DNAJB14: variants seen among roughly 807,000 people sequenced by gnomAD.
The protein encoded by DNAJB14 is DnaJ heat shock protein family (Hsp40) member B14, also known as dnaJ homolog subfamily B member 14.
DNAJB14 carries 22 observed loss-of-function variants against 48.4 expected under a neutral mutation model. The observed-to-expected ratio is 0.45, with a 90% CI of 0.32 to 0.65. The LOEUF (loss-of-function observed/expected upper bound fraction) is 0.65, where lower values mean the gene tolerates loss of function less well. Ranked by LOEUF, DNAJB14 falls within the 30% of genes least tolerant of loss-of-function variation. DNAJB14 has a pLI of 0.03. For synonymous variants in DNAJB14, 142 were observed against 158.7 expected (o/e 0.89, Z 0.79); for missense variants, 319 against 458.8 (o/e 0.70, Z 2.78).
chr4:99,898,909 A>G lies in DNAJB14; in HGVS notation c.*2119T>C, dbSNP rs1220309574. On this transcript the variant is annotated 3_prime_UTR_variant, in exon 8 of 8. Coordinates refer to ENST00000442697, the MANE Select transcript of DNAJB14 (RefSeq NM_001031723.4). Reference sequence around the variant, plus strand: ...TTATACCATGATATAGATGACATTAAGGACTGAATCTTTACTTGCATACTT... The same window carrying G: ...TTATACCATGATATAGATGACATTAGGGACTGAATCTTTACTTGCATACTT... 2 of 151,948 alleles carry G rather than the reference A, an allele frequency of 1.3e-5. No homozygotes were observed. Among genetic ancestry groups the G allele is most frequent in the East Asian group, 3.8e-4 (2 of 5,204 alleles). 9.4% of individuals were successfully genotyped at this position (151,948 alleles called of 1,614,324 possible). A position where few individuals can be genotyped will look rare whatever the true frequency, so the allele number is the denominator to read the frequency against.
chr4:99,908,961 A>G, intron 3 of DNAJB14, 65 bp from the exon 4 acceptor site: 1 of 1,155,526 alleles, frequency 8.7e-7, no homozygotes, highest in East Asian at 2.6e-5. Context: ...TGCCCCACAT[A>G]AAAACTAACA....
chr4:99,933,653 T>C (rs1422995706), intron 1 of DNAJB14, among the ~76,000 whole-genome samples: 2 of 152,206 alleles, frequency 1.3e-5, no homozygotes, highest in African/African-American at 4.8e-5. Flanking sequence ...GAAACCAGCA[T>C]GGTCTAAGGG....
At chr4:99,930,995 C>T (rs1010225617) in intron 1 of DNAJB14, among the ~76,000 whole-genome samples, 5 of 152,098 alleles carry the variant, frequency 3.3e-5, no homozygotes, top group African/African-American at 1.2e-4. Context: ...TTCTCAATAG[C>T]AACAATGGGA....
At chr4:99,906,274 C>A in intron 5 of DNAJB14, 2 of 1,117,524 alleles carry the variant, frequency 1.8e-6, no homozygotes, top group South Asian at 1.6e-5. Flanking sequence ...ATGCATAGTG[C>A]AGGTGTACCT....
intron 1 of DNAJB14, among the ~76,000 whole-genome samples, chr4:99,931,696 A>AT (rs1726472697): frequency 6.6e-6 from 1 of 151,844 alleles, no homozygotes; most frequent in African/African-American, 2.4e-5. Context: ...TCGCTAGACC[A>AT]TAGAGTGGTC....
chr4:99,906,107 G>A, intron 5 of DNAJB14: 1 of 1,313,466 alleles, frequency 7.6e-7, no homozygotes, highest in Non-Finnish European at 9.9e-7. Context: ...TTAATTTCTA[G>A]TCTAGTGCTC....
intron 2 of DNAJB14, chr4:99,929,678 A>C (rs545569668): frequency 1.3e-5 from 2 of 152,318 alleles, no homozygotes; most frequent in East Asian, 3.9e-4. Flanking sequence ...AGAAAGACTT[A>C]ACCTAACTAA....
intron 2 of DNAJB14, chr4:99,924,594 T>G (rs1726180864): frequency 1.4e-6 from 1 of 705,878 alleles, no homozygotes; most frequent in Admixed American, 3.7e-5. Context: ...GTCAATAATA[T>G]TTATTGAATA....
chr4:99,946,433 T>G lies in DNAJB14; in HGVS notation c.133+6A>C. The G allele has an allele frequency of 5.6e-6, 9 of 1,608,928 alleles. No homozygotes were observed. The highest frequency in any genetic ancestry group is 7.6e-6 in the Non-Finnish European group (9 of 1,177,818). On this transcript the variant is annotated splice_donor_region_variant and intron_variant, in intron 1 of 7. Coordinates refer to ENST00000442697, the MANE Select transcript of DNAJB14 (RefSeq NM_001031723.4). ...GGCAGGAAGAGAAGGGACGCTGAGG[T>G]CTCACCGCGGGCCGAGGGCAGTGGG...
In DNAJB14 at chr4:99,909,922, T is replaced by C. The variant is rs566656635; in HGVS notation, c.452-1026A>G. 1.6e-3 allele frequency among the ~76,000 whole-genome samples: 248 copies of C among 152,208 alleles called. 1 individual carries two copies. Among genetic ancestry groups the C allele is most frequent in the African/African-American group, 5.6e-3 (232 of 41,590 alleles). On this transcript the variant is annotated intron_variant, in intron 3 of 7. Transcript: ENST00000442697. ...ACTAAGAACTATCCTATTCGTACTC[T>C]GACACTTCTAATAGTTAATCACTTC...
intron 1 of DNAJB14, among the ~76,000 whole-genome samples, chr4:99,934,834 A>C (rs1002098261): frequency 2.8e-5 from 4 of 143,658 alleles, no homozygotes; most frequent in African/African-American, 1.0e-4. Context: ...AGAAAAAATT[A>C]TCTCTCAAAA....
At chr4:99,944,541 T>C (rs1726995609) in intron 1 of DNAJB14, among the ~76,000 whole-genome samples, 1 of 152,004 alleles carries the variant, frequency 6.6e-6, no homozygotes, top group Admixed American at 6.6e-5. Context: ...TGGAATATTA[T>C]TCAGTTTTTT....
rs368090547 is a variant in DNAJB14, at chr4:99,896,515, A to G, written c.*4513T>C. 3.3e-5 allele frequency: 5 copies of G among 152,330 alleles called. No individual in the cohort carries two copies. Among genetic ancestry groups the G allele is most frequent in the Admixed American group, 6.5e-5 (1 of 15,302 alleles). 9.4% of individuals were successfully genotyped at this position (152,330 alleles called of 1,614,324 possible). A position where few individuals can be genotyped will look rare whatever the true frequency, so the allele number is the denominator to read the frequency against. ...ATTTAACTTATACAAGGCTTCCATT[A>G]TAATTCCATCAAACCTTAAAAATTA... On this transcript the variant is annotated 3_prime_UTR_variant, in exon 8 of 8. Transcript: ENST00000442697.
At chr4:99,905,407 A>G (rs1014474378) in intron 6 of DNAJB14, among the ~76,000 whole-genome samples, 190 bp downstream of exon 6, 3 of 152,142 alleles carry the variant, frequency 2.0e-5, no homozygotes, top group Non-Finnish European at 4.4e-5. Flanking sequence ...AGAAATGTAA[A>G]TTAACAACAT....
chr4:99,932,268 A>G (rs1726502824), intron 1 of DNAJB14, among the ~76,000 whole-genome samples: 1 of 152,194 alleles, frequency 6.6e-6, no homozygotes, highest in Non-Finnish European at 1.5e-5. Context: ...GATTTTCAAA[A>G]AAAAGTATCC....
chr4:99,903,678 C>T (rs1472230079), intron 7 of DNAJB14, 48 bp downstream of exon 7: 4 of 1,561,520 alleles, frequency 2.6e-6, no homozygotes, highest in Non-Finnish European at 3.5e-6. Context: ...TAATCAGTTC[C>T]AAAGACTGCG....
At chr4:99,946,343 C>A in intron 1 of DNAJB14, 96 bp downstream of exon 1, 1 of 1,527,476 alleles carries the variant, frequency 6.5e-7, no homozygotes, top group Non-Finnish European at 8.8e-7. Context: ...GGCCGGGGGC[C>A]CCGCAGGCCT....
chr4:99,939,489 A>T (rs1195006743), intron 1 of DNAJB14, among the ~76,000 whole-genome samples: 1 of 152,236 alleles, frequency 6.6e-6, no homozygotes, highest in Non-Finnish European at 1.5e-5. Context: ...ATGTTCTCCC[A>T]TGGTTCCTCT....
chr4:99,938,731 T>C (rs1209891731), intron 1 of DNAJB14, among the ~76,000 whole-genome samples: 1 of 152,202 alleles, frequency 6.6e-6, no homozygotes, highest in Non-Finnish European at 1.5e-5. Flanking sequence ...TGTAAGTTTG[T>C]ATTATTCTTG....
Sources: allele counts gnomAD v4.1 joint callset (sites outside exome capture counted in the v4.1 genomes callset), GRCh38; gene constraint gnomAD v4.1.1; transcripts MANE v1.5; gene names NCBI Gene and HGNC (gene_info 2026-07-23, HGNC 2026-07-21).